CCDC150: variants seen among roughly 807,000 people sequenced by gnomAD.
The protein encoded by CCDC150 is coiled-coil domain-containing protein 150.
CCDC150 carries 151 observed loss-of-function variants against 156.5 expected under a neutral mutation model. The ratio of observed to expected loss-of-function variants is 0.97; its 90% CI spans 0.85 to 1.10. The LOEUF is 1.10. Among genes scored for constraint, CCDC150 ranks in the 50% least tolerant of loss-of-function variants. CCDC150 has a pLI of 0.00. For synonymous variants in CCDC150, 452 were observed against 429.4 expected (o/e 1.05, Z -0.65); for missense variants, 1,312 against 1,268.1 (o/e 1.03, Z -0.53).
intron 13 of CCDC150, among the ~76,000 whole-genome samples, chr2:196,689,669 T>C (rs1695326435): frequency 6.6e-6 from 1 of 151,584 alleles, no homozygotes; most frequent in Non-Finnish European, 1.5e-5. Flanking sequence ...GTTTTCTAGA[T>C]ATACAATCAT....
At chr2:196,672,649 C>T (rs1363144959) in intron 9 of CCDC150, among the ~76,000 whole-genome samples, 3 of 152,116 alleles carry the variant, frequency 2.0e-5, no homozygotes, top group African/African-American at 7.2e-5. Context: ...TATAAGTATA[C>T]AAGATGTACC....
At chr2:196,713,484 A>G (rs1383662956) in intron 17 of CCDC150, 1 of 1,550,638 alleles carries the variant, frequency 6.4e-7, no homozygotes, top group East Asian at 2.4e-5. Flanking sequence ...GTTATTCCAA[A>G]CTCTACACGC....
At chr2:196,667,000 C>T (rs1490336613) in intron 7 of CCDC150, 152 bp downstream of exon 7, 1 of 737,846 alleles carries the variant, frequency 1.4e-6, no homozygotes, top group African/African-American at 1.8e-5. Flanking sequence ...CTTCTACCTG[C>T]AGTACTGAGA....
At chr2:196,719,803 C>T in intron 19 of CCDC150, 137 bp downstream of exon 19, 1 of 540,204 alleles carries the variant, frequency 1.9e-6, no homozygotes. Flanking sequence ...TGAAAGAATT[C>T]CTAAGTTAGA....
At chr2:196,709,574 G>A (rs1340862071) in intron 15 of CCDC150, among the ~76,000 whole-genome samples, 1 of 152,112 alleles carries the variant, frequency 6.6e-6, no homozygotes, top group East Asian at 1.9e-4. Flanking sequence ...ATCCTTTGGG[G>A]GAGAAGAGGC....
chr2:196,675,622 A>T (rs376985433), intron 10 of CCDC150, among the ~76,000 whole-genome samples: 5 of 151,768 alleles, frequency 3.3e-5, no homozygotes, highest in African/African-American at 1.2e-4. Context: ...AAACAGTTAT[A>T]GTGCTTCTGC....
At position 196,666,719 on chromosome 2, in the gene CCDC150, G is replaced by T. The variant is rs535367193; in HGVS notation, c.763G>T (p.Val255Leu). ...GSTVEVERKQ[V>L]HILQQNCIAL... ...AAGAGTTTTTCTTATACAATTTCAGGTGCACATTTTGCAGCAAAACTGCAT... is the reference window on the plus strand; with the variant it reads ...AAGAGTTTTTCTTATACAATTTCAGTTGCACATTTTGCAGCAAAACTGCAT... The change falls in exon 7 of 28, where the codon GTG becomes TTG. Residue 255 changes from valine (V) to leucine (L), a missense_variant and splice_region_variant. Val to Leu is a conservative substitution (Grantham distance 32). Coordinates refer to ENST00000389175, the MANE Select transcript of CCDC150 (RefSeq NM_001080539.2). The T allele has an allele frequency of 6.3e-7, 1 of 1,597,210 alleles. No homozygotes were observed.
At chr2:196,661,988 T>C (rs533441085) in intron 5 of CCDC150, among the ~76,000 whole-genome samples, 9 of 152,300 alleles carry the variant, frequency 5.9e-5, no homozygotes, top group Non-Finnish European at 1.2e-4. Context: ...TTGACAGTAA[T>C]GCAACTAAAA....
At chr2:196,668,007 G>C (rs999130331) in intron 7 of CCDC150, 3 of 152,118 alleles carry the variant, frequency 2.0e-5, no homozygotes, top group African/African-American at 7.2e-5. Context: ...TTCTATAGAA[G>C]ATACAAAAGG....
At position 196,729,814 on chromosome 2, in the gene CCDC150, C is replaced by T; in HGVS notation, c.2773C>T (p.Gln925Ter). Reference sequence around the variant, plus strand: ...TTAGCAAATAGAAAAAGAATTGAAGCAAATGGAGCTAATTAAGGATCAATA... The same window carrying T: ...TTAGCAAATAGAAAAAGAATTGAAGTAAATGGAGCTAATTAAGGATCAATA... ...RMKQIEKELK[Q>*]MELIKDQYQK... The change falls in exon 24 of 28, where the codon CAA becomes TAA. Residue 925 changes from glutamine (Q) to a stop codon, truncating the protein, a stop_gained. Coordinates refer to ENST00000389175, the MANE Select transcript of CCDC150 (RefSeq NM_001080539.2). LOFTEE classifies it high-confidence loss of function. 1 of 1,583,538 alleles carries T rather than the reference C, an allele frequency of 6.3e-7. No homozygotes were observed. Among genetic ancestry groups the T allele is most frequent in the South Asian group, 1.1e-5 (1 of 87,728 alleles).
At chr2:196,653,960 C>A (rs1693031767) in intron 2 of CCDC150, among the ~76,000 whole-genome samples, 1 of 152,028 alleles carries the variant, frequency 6.6e-6, no homozygotes, top group Admixed American at 6.6e-5. Context: ...TGGTGGAAGG[C>A]AAAGGGGGAG....
chr2:196,645,751 G>A (rs1264485350), intron 1 of CCDC150, among the ~76,000 whole-genome samples: 1 of 152,188 alleles, frequency 6.6e-6, no homozygotes, highest in Non-Finnish European at 1.5e-5. Context: ...AGTTAAGGTT[G>A]CATGTTATTT....
At chr2:196,686,973 T>G (rs1245030536) in intron 13 of CCDC150, among the ~76,000 whole-genome samples, 1 of 152,210 alleles carries the variant, frequency 6.6e-6, no homozygotes, top group Non-Finnish European at 1.5e-5. Flanking sequence ...TATTCCATGG[T>G]GTATATGTAC....
chr2:196,657,749 A>G (rs559245575), intron 4 of CCDC150, among the ~76,000 whole-genome samples: 1 of 152,304 alleles, frequency 6.6e-6, no homozygotes, highest in South Asian at 2.1e-4. Flanking sequence ...TGGATGTTCA[A>G]TGTGTTATTT....
rs139800417 is a variant in CCDC150 at position 196,657,401 on chromosome 2, C to T, written c.576+265C>T. ...GTGGGTCCAGAGGTATGAGATAGAG[C>T]CTGTGCTCTTCAGGAACTCATATGC... On this transcript the variant is annotated intron_variant, in intron 4 of 27. Transcript: ENST00000389175. 1.2e-4 allele frequency: 40 copies of T among 345,330 alleles called. 1 individual carries two copies. The highest frequency in any genetic ancestry group is 8.6e-4 in the Middle Eastern group (1 of 1,162). 21.4% of individuals were successfully genotyped at this position (345,330 alleles called of 1,614,324 possible). A position where few individuals can be genotyped will look rare whatever the true frequency, so the allele number is the denominator to read the frequency against.
intron 17 of CCDC150, chr2:196,713,570 ACT>A (rs1241346475): frequency 7.7e-6 from 12 of 1,548,644 alleles, no homozygotes; most frequent in Non-Finnish European, 1.0e-5. Context: ...CTCTCTAAAG[ACT>A]CTTTTGAATG....
In CCDC150 at chr2:196,683,215, T is replaced by A. The variant is rs541798119; in HGVS notation, c.1509+5854T>A. On this transcript the variant is annotated intron_variant, in intron 13 of 27. Transcript: ENST00000389175. ...CCTCTATTCTCAGTTTGTTGGGAATTTTTGTCATGAAAATATGTTGAATTT... is the reference window on the plus strand; with the variant it reads ...CCTCTATTCTCAGTTTGTTGGGAATATTTGTCATGAAAATATGTTGAATTT... 5.3e-5 allele frequency among the ~76,000 whole-genome samples: 8 copies of A among 152,168 alleles called. No homozygotes were observed. In the East Asian group the frequency reaches 1.2e-3, roughly 22 times the overall value.
In CCDC150 at chr2:196,720,668, G is replaced by A; in HGVS notation, c.2259G>A (p.Glu753=). The change falls in exon 20 of 28, where the codon GAG becomes GAA. Residue 753 remains glutamate, a splice_region_variant and synonymous_variant. Transcript: ENST00000389175. ...MLVMEDQHNS[E]IESLQKALGV... is the part of the protein sequence containing the mutation. ...TCATGGAGGACCAGCACAACAGTGA[G>A]GTTGGAGCCAGGCTTTAAAAAATGA... 2 of 1,612,168 alleles carry A rather than the reference G, an allele frequency of 1.2e-6. No individual in the cohort carries two copies. Among genetic ancestry groups the A allele is most frequent in the Non-Finnish European group, 1.7e-6 (2 of 1,179,070 alleles).
At chr2:196,670,057 A>G (rs1694110526) in intron 8 of CCDC150, among the ~76,000 whole-genome samples, 181 bp downstream of exon 8, 1 of 152,184 alleles carries the variant, frequency 6.6e-6, no homozygotes. Context: ...CATTTCATGA[A>G]GGTTATTAGA....
Sources: allele counts gnomAD v4.1 joint callset (sites outside exome capture counted in the v4.1 genomes callset), GRCh38; gene constraint gnomAD v4.1.1; transcripts MANE v1.5; gene names NCBI Gene and HGNC (gene_info 2026-07-23, HGNC 2026-07-21).